CDH13: variants seen among roughly 807,000 people sequenced by gnomAD.
CDH13 encodes the protein cadherin-13.
Under a neutral mutation model 63.8 loss-of-function variants are expected in CDH13, and 24 were observed. That is an observed-to-expected ratio of 0.38 (90% CI 0.27 to 0.53). The LOEUF is 0.53. CDH13 is among the 20% of genes least tolerant of loss of function. The pLI, the probability that CDH13 is intolerant of heterozygous loss-of-function variation, is 0.85. For synonymous variants in CDH13, 503 were observed against 355.3 expected, an observed-to-expected ratio of 1.42 and a Z score of -4.67; for missense variants, 1,049 against 903.1, an observed-to-expected ratio of 1.16 and a Z score of -2.07.
intron 1 of CDH13, among the ~76,000 whole-genome samples, chr16:82,779,843 G>A (rs1176267268): frequency 6.9e-6 from 1 of 144,188 alleles, no homozygotes; most frequent in Non-Finnish European, 1.6e-5. Context: ...AAAGGTGGGA[G>A]GTCATGGCTC....
At chr16:82,777,382 G>C (rs962909853) in intron 1 of CDH13, among the ~76,000 whole-genome samples, 2 of 152,162 alleles carry the variant, frequency 1.3e-5, no homozygotes, top group African/African-American at 4.8e-5. Context: ...TTCCTTTGGG[G>C]ACTTGGAATT....
chr16:83,330,813 C>G (rs1193659290), intron 5 of CDH13, among the ~76,000 whole-genome samples: 3 of 152,156 alleles, frequency 2.0e-5, no homozygotes, highest in African/African-American at 7.2e-5. Context: ...CCTATGCTTC[C>G]TCTTAATTCT....
At chr16:83,367,114 G>A (rs1466156078) in intron 6 of CDH13, among the ~76,000 whole-genome samples, 7 of 152,064 alleles carry the variant, frequency 4.6e-5, no homozygotes, top group Non-Finnish European at 2.9e-5. Flanking sequence ...GCTCATTAAC[G>A]ATCATTTCTC....
intron 3 of CDH13, among the ~76,000 whole-genome samples, chr16:83,075,643 C>T (rs1047657429): frequency 1.3e-5 from 2 of 152,184 alleles, no homozygotes; most frequent in Admixed American, 6.6e-5. Flanking sequence ...TGTATCTGTA[C>T]TGAGTTAGGC....
chr16:83,684,035 C>G (rs985158683), intron 10 of CDH13, among the ~76,000 whole-genome samples: 19 of 152,150 alleles, frequency 1.2e-4, no homozygotes, highest in Admixed American at 1.0e-3. Flanking sequence ...TCGAGTATCT[C>G]TAATGAGGAG....
chr16:83,295,736 C>T (rs186075453), intron 5 of CDH13, among the ~76,000 whole-genome samples: 25 of 152,124 alleles, frequency 1.6e-4, no homozygotes, highest in Middle Eastern at 3.4e-3. Flanking sequence ...AATGTAAGTA[C>T]AGCTATAATG....
At chr16:82,683,160 G>A (rs993914976) in intron 1 of CDH13, among the ~76,000 whole-genome samples, 1 of 152,180 alleles carries the variant, frequency 6.6e-6, no homozygotes, top group African/African-American at 2.4e-5. Flanking sequence ...TAGATCAGAA[G>A]ATGTCGCCCT....
At chr16:83,448,580 G>C (rs1341807056) in intron 6 of CDH13, among the ~76,000 whole-genome samples, 1 of 152,178 alleles carries the variant, frequency 6.6e-6, no homozygotes. Flanking sequence ...CATGAGAAGA[G>C]TGACTGGCCC....
chr16:83,275,603 G>T (rs76693104), intron 5 of CDH13, among the ~76,000 whole-genome samples: 1 of 152,082 alleles, frequency 6.6e-6, no homozygotes, highest in African/African-American at 2.4e-5. Context: ...TAAGGAGGGG[G>T]CACCATTTTC....
At chr16:82,735,117 C>T (rs1374163946) in intron 1 of CDH13, among the ~76,000 whole-genome samples, 1 of 152,116 alleles carries the variant, frequency 6.6e-6, no homozygotes, top group Non-Finnish European at 1.5e-5. Flanking sequence ...CTAAGATCAC[C>T]TTAAAGGAGC....
intron 6 of CDH13, among the ~76,000 whole-genome samples, chr16:83,445,233 GTTTATAATTTATAAAAGCTTTTATAA>G (rs199797101): frequency 0.27 from 36,618 of 135,336 alleles, 4,713 homozygotes; most frequent in Middle Eastern, 0.33. Flanking sequence ...GGCTGCGAGA[GTTTATAATTTATAAAAGCTTTTATAA>G]TTTATAAAAG....
At chr16:82,992,467 C>G (rs1208108668) in intron 2 of CDH13, among the ~76,000 whole-genome samples, 3 of 152,078 alleles carry the variant, frequency 2.0e-5, no homozygotes, top group Admixed American at 6.5e-5. Flanking sequence ...TGCAGAGAGA[C>G]TGGTTTACAA....
At chr16:83,401,512 A>G (rs2091967907) in intron 6 of CDH13, among the ~76,000 whole-genome samples, 2 of 152,258 alleles carry the variant, frequency 1.3e-5, no homozygotes, top group South Asian at 4.1e-4. Context: ...ACTCCGTCTC[A>G]AAATAAAATA....
intron 4 of CDH13, among the ~76,000 whole-genome samples, chr16:83,148,646 C>G (rs555071377): frequency 2.6e-5 from 4 of 152,138 alleles, no homozygotes; most frequent in Non-Finnish European, 5.9e-5. Flanking sequence ...TAAACTCTCG[C>G]ACCATATTAA....
chr16:82,699,082 C>A (rs183698662), intron 1 of CDH13, among the ~76,000 whole-genome samples: 4,466 of 152,230 alleles, frequency 0.029, 91 homozygotes, highest in Middle Eastern at 0.051. Context: ...TAATAATATA[C>A]AATATTCTGT....
chr16:82,975,653 C>T (rs1334087302), intron 2 of CDH13, among the ~76,000 whole-genome samples: 2 of 152,212 alleles, frequency 1.3e-5, no homozygotes, highest in Non-Finnish European at 2.9e-5. Flanking sequence ...CAGTTTCTTA[C>T]ATTCCTCAAC....
chr16:82,639,218 TGA>T (rs1350458077), intron 1 of CDH13: 4 of 494,122 alleles, frequency 8.1e-6, no homozygotes, highest in Admixed American at 3.5e-5. Flanking sequence ...CTGCCTGGGA[TGA>T]CTACTTTTTT....
chr16:82,858,009 T>C (rs1043037781), intron 1 of CDH13, among the ~76,000 whole-genome samples: 6 of 152,194 alleles, frequency 3.9e-5, no homozygotes, highest in African/African-American at 1.4e-4. Flanking sequence ...TCTTTGCTTG[T>C]ATAAAAATGA....
chr16:83,039,095 A>G (rs1161993733), intron 3 of CDH13, among the ~76,000 whole-genome samples: 2 of 152,200 alleles, frequency 1.3e-5, no homozygotes, highest in Non-Finnish European at 2.9e-5. Flanking sequence ...GAACAAAGCA[A>G]AAGTCTCCCA....
Sources: allele counts gnomAD v4.1 joint callset (sites outside exome capture counted in the v4.1 genomes callset), GRCh38; gene constraint gnomAD v4.1.1; transcripts MANE v1.5; gene names NCBI Gene and HGNC (gene_info 2026-07-23, HGNC 2026-07-21).